The following BMP6 variants were observed in gnomAD, a reference collection of about 807,000 sequenced individuals.
BMP6 encodes VG-1-R.
BMP6 carries 17 observed loss-of-function variants against 54.1 expected under a neutral mutation model. The ratio of observed to expected loss-of-function variants is 0.31; its 90% CI spans 0.22 to 0.47. The LOEUF (loss-of-function observed/expected upper bound fraction) is 0.47, where lower values mean the gene tolerates loss of function less well. BMP6 is among the 20% of genes least tolerant of loss of function. BMP6 has a pLI of 1.00. For missense variants in BMP6, 720 were observed against 690.4 expected (o/e 1.04, Z -0.48); for synonymous variants, 328 against 291.2 (o/e 1.13, Z -1.28).
chr6:7,749,662 G>A (rs950206940), intron 1 of BMP6, among the ~76,000 whole-genome samples: 1 of 152,206 alleles, frequency 6.6e-6, no homozygotes, highest in East Asian at 1.9e-4. Flanking sequence ...GTGTGGGGCT[G>A]GAGTCTTTTG....
chr6:7,833,559 A>C (rs1352268074), intron 1 of BMP6, among the ~76,000 whole-genome samples: 4 of 152,182 alleles, frequency 2.6e-5, no homozygotes, highest in Non-Finnish European at 5.9e-5. Flanking sequence ...GCTGGGCTGG[A>C]GATAGAAATT....
chr6:7,827,567 C>T (rs1758719434), intron 1 of BMP6, among the ~76,000 whole-genome samples: 1 of 152,116 alleles, frequency 6.6e-6, no homozygotes, highest in South Asian at 2.1e-4. Flanking sequence ...AAACTCAATC[C>T]TGCAGTAAAA....
intron 1 of BMP6, among the ~76,000 whole-genome samples, chr6:7,804,733 C>G (rs1758322840): frequency 6.6e-6 from 1 of 152,210 alleles, no homozygotes; most frequent in Non-Finnish European, 1.5e-5. Flanking sequence ...CACATAGCTT[C>G]TATTCTAAAC....
At chr6:7,867,078 G>A (rs1161364191) in intron 4 of BMP6, among the ~76,000 whole-genome samples, 1 of 152,042 alleles carries the variant, frequency 6.6e-6, no homozygotes, top group Non-Finnish European at 1.5e-5. Context: ...CACCATGTTG[G>A]TCAGGCTGGT....
chr6:7,835,661 C>T (rs146085972), intron 1 of BMP6, among the ~76,000 whole-genome samples: 9 of 152,156 alleles, frequency 5.9e-5, no homozygotes, highest in Admixed American at 4.6e-4. Flanking sequence ...GGCAAAAATG[C>T]GGTTATTTGA....
intron 1 of BMP6, among the ~76,000 whole-genome samples, chr6:7,832,286 A>G (rs964385885): frequency 6.6e-6 from 1 of 152,078 alleles, no homozygotes; most frequent in Non-Finnish European, 1.5e-5. Flanking sequence ...TTGAAACCTA[A>G]CCCCCAAGGT....
At chr6:7,876,738 TTATTTTCAATGG>T (rs1287589576) in intron 4 of BMP6, among the ~76,000 whole-genome samples, 2 of 152,196 alleles carry the variant, frequency 1.3e-5, no homozygotes, top group Admixed American at 1.3e-4. Context: ...GATTTCATTG[TTATTTTCAATGG>T]TTATGGTTTT....
At chr6:7,792,697 G>C (rs1448728078) in intron 1 of BMP6, among the ~76,000 whole-genome samples, 3 of 152,232 alleles carry the variant, frequency 2.0e-5, no homozygotes, top group Admixed American at 1.3e-4. Flanking sequence ...CAACAAGGCA[G>C]AGCCAGTAAC....
At chr6:7,732,029 C>T (rs904993300) in intron 1 of BMP6, among the ~76,000 whole-genome samples, 7 of 152,104 alleles carry the variant, frequency 4.6e-5, no homozygotes, top group Non-Finnish European at 8.8e-5. Context: ...ATTTTCTGAA[C>T]AAAATTACTC....
chr6:7,780,056 C>T (rs1757919916), intron 1 of BMP6, among the ~76,000 whole-genome samples: 1 of 152,300 alleles, frequency 6.6e-6, no homozygotes, highest in Non-Finnish European at 1.5e-5. Flanking sequence ...GTTAAGTAGG[C>T]TCTAGATAGC....
intron 1 of BMP6, among the ~76,000 whole-genome samples, chr6:7,793,595 A>G (rs1758144868): frequency 6.6e-6 from 1 of 152,062 alleles, no homozygotes; most frequent in African/African-American, 2.4e-5. Flanking sequence ...GGATGTTGAT[A>G]TGGGGGAGGC....
At chr6:7,768,714 C>T (rs778567078) in intron 1 of BMP6, among the ~76,000 whole-genome samples, 4 of 152,192 alleles carry the variant, frequency 2.6e-5, no homozygotes, top group African/African-American at 4.8e-5. Context: ...TGCACAGGGA[C>T]GCAAGGTGTT....
At chr6:7,877,800 A>C (rs1197586886) in intron 4 of BMP6, among the ~76,000 whole-genome samples, 1 of 152,278 alleles carries the variant, frequency 6.6e-6, no homozygotes, top group East Asian at 1.9e-4. Context: ...AGGCTCTTAC[A>C]CCCACTGACA....
At chr6:7,800,354 A>G (rs1257174563) in intron 1 of BMP6, among the ~76,000 whole-genome samples, 2 of 152,236 alleles carry the variant, frequency 1.3e-5, no homozygotes, top group Non-Finnish European at 2.9e-5. Context: ...AAAGAGTCAG[A>G]TAATTCCAGT....
intron 1 of BMP6, among the ~76,000 whole-genome samples, chr6:7,818,598 C>T (rs1758563694): frequency 1.3e-5 from 2 of 152,204 alleles, no homozygotes; most frequent in African/African-American, 4.8e-5. Context: ...GGTGTTTAAT[C>T]ATGAAACAGC....
intron 1 of BMP6, among the ~76,000 whole-genome samples, chr6:7,797,609 C>T (rs1439403936): frequency 1.3e-5 from 2 of 152,156 alleles, no homozygotes; most frequent in Non-Finnish European, 2.9e-5. Context: ...CCACTGTTCT[C>T]ATTGGACATT....
intron 1 of BMP6, among the ~76,000 whole-genome samples, chr6:7,783,271 A>G (rs1337508917): frequency 6.6e-6 from 1 of 152,230 alleles, no homozygotes; most frequent in Non-Finnish European, 1.5e-5. Flanking sequence ...TGGATGATTG[A>G]AAAGGTAAAG....
At chr6:7,804,955 A>C (rs547749078) in intron 1 of BMP6, among the ~76,000 whole-genome samples, 1 of 152,278 alleles carries the variant, frequency 6.6e-6, no homozygotes, top group East Asian at 1.9e-4. Flanking sequence ...CCACTTTCCA[A>C]CCAACCTGAT....
In BMP6 at chr6:7,852,844, C is replaced by CT. The variant is rs555830665; in HGVS notation, c.857+7514dup. Among the ~76,000 whole-genome samples, 93 of 152,302 alleles carry CT rather than the reference C, an allele frequency of 6.1e-4. No homozygotes were observed. The Middle Eastern group carries it at 0.014, about 22-fold the overall frequency. On this transcript the variant is annotated intron_variant, in intron 2 of 6. Coordinates refer to ENST00000283147, the MANE Select transcript of BMP6 (RefSeq NM_001718.6). The stretch of plus-strand genomic sequence containing the variant: ...ATGTTGGAGTTCAAGGAGGCCAGGA[C>CT]TTGAAGAGCCAGAGTCCTAGAGGAA...
Sources: gnomAD v4.1 joint callset for allele counts (sites outside exome capture counted in the v4.1 genomes callset) on GRCh38, gnomAD v4.1.1 for gene constraint, MANE v1.5 for transcripts, NCBI Gene and HGNC (gene_info 2026-07-23, HGNC 2026-07-21) for gene names.